PCDHA13: variants seen among roughly 807,000 people sequenced by gnomAD.
PCDHA13 encodes the protein protocadherin alpha 13.
A neutral mutation model predicts 64.8 loss-of-function variants in PCDHA13; 54 were observed. That is an observed-to-expected ratio of 0.83 (90% CI 0.67 to 1.04). PCDHA13 has a LOEUF of 1.04. PCDHA13 is among the 50% of genes least tolerant of loss of function. The pLI, the probability that PCDHA13 is intolerant of heterozygous loss-of-function variation, is 0.00. For missense variants in PCDHA13, 1,248 were observed against 1,254.3 expected, an observed-to-expected ratio of 0.99 and a Z score of 0.08; for synonymous variants, 587 against 564.4, an observed-to-expected ratio of 1.04 and a Z score of -0.57.
chr5:140,928,642 G>C, intron 1 of PCDHA13: 1 of 1,614,232 alleles, frequency 6.2e-7, no homozygotes, highest in African/African-American at 1.3e-5. Flanking sequence ...CACAAAAGTG[G>C]TAGCAGAGGA....
At position 141,006,497 on chromosome 5, in the gene PCDHA13, G is replaced by C. The variant is rs575942325; in HGVS notation, c.2543-3130G>C. Among the ~76,000 whole-genome samples the C allele has an allele frequency of 2.6e-5, 4 of 152,288 alleles. No homozygotes were observed. In the South Asian group the frequency reaches 8.3e-4, roughly 32 times the overall value. ...CAAAGTGCTGGGATTACATGTGTGA[G>C]CCACCGCGCCTGGCTGTTATACATC... On this transcript the variant is annotated intron_variant, in intron 3 of 3. Transcript: ENST00000289272.
intron 1 of PCDHA13, among the ~76,000 whole-genome samples, chr5:140,933,209 G>GTC (rs140472192): frequency 0.32 from 48,939 of 151,636 alleles, 8,153 homozygotes; most frequent in East Asian, 0.53. Flanking sequence ...TAAATTACAT[G>GTC]TCTGTTATAT....
Position 140,882,987 on chromosome 5 carries a change from CG to C in PCDHA13, c.721del (p.Glu241AsnfsTer9). 1 of 1,614,110 alleles carries C rather than the reference CG, an allele frequency of 6.2e-7. No individual in the cohort carries two copies. Among genetic ancestry groups the C allele is most frequent in the South Asian group, 1.1e-5 (1 of 91,078 alleles). On this transcript the variant is annotated frameshift_variant, in exon 1 of 4. Coordinates refer to ENST00000289272, the MANE Select transcript of PCDHA13 (RefSeq NM_018904.3). LOFTEE classifies it high-confidence loss of function. ...ATTCTGGACGTGAATGACAACGCCC[CG>C]GAATTTTACCAATCCGTTTATAAAG... ...ITILDVNDNA[P>X]EFYQSVYKVT...
chr5:140,959,078 A>C (rs1489301308), intron 1 of PCDHA13, among the ~76,000 whole-genome samples: 1 of 152,128 alleles, frequency 6.6e-6, no homozygotes, highest in Non-Finnish European at 1.5e-5. Flanking sequence ...ATTCAGTATT[A>C]TCCTTGGTTT....
intron 1 of PCDHA13, among the ~76,000 whole-genome samples, chr5:140,947,967 T>C (rs565128955): frequency 1.2e-4 from 18 of 151,462 alleles, no homozygotes; most frequent in Non-Finnish European, 2.2e-4. Flanking sequence ...ATTAAGTATG[T>C]GCTACTCATA....
At chr5:140,924,944 TAA>T (rs11334471) in intron 1 of PCDHA13, among the ~76,000 whole-genome samples, 87 of 142,948 alleles carry the variant, frequency 6.1e-4, no homozygotes, top group African/African-American at 2.0e-3. Flanking sequence ...AATAAAAAGT[TAA>T]AAAAAAAATG....
At chr5:140,928,718 T>C in intron 1 of PCDHA13, 1 of 1,614,174 alleles carries the variant, frequency 6.2e-7, no homozygotes, top group East Asian at 2.2e-5. Context: ...TCTAGTCTCT[T>C]TAGAATTTCA....
rs527281567 is a variant in PCDHA13 at position 140,992,060 on chromosome 5, A to T, written c.2542+9497A>T. Among the ~76,000 whole-genome samples the T allele has an allele frequency of 3.3e-3, 484 of 147,642 alleles. 5 individuals are homozygous for T. Among genetic ancestry groups the T allele is most frequent in the South Asian group, 0.015 (69 of 4,700 alleles). On this transcript the variant is annotated intron_variant, in intron 3 of 3. Transcript: ENST00000289272. The stretch of plus-strand genomic sequence containing the variant: ...GTGTGTGTGTGTGTGTGTGTAAGTT[A>T]ATTTCAGTAGAGAATGAGCTAGAGT...
chr5:141,009,545 A>G, intron 3 of PCDHA13, 82 bp from the exon 4 acceptor site: 2 of 1,535,938 alleles, frequency 1.3e-6, no homozygotes, highest in Non-Finnish European at 1.8e-6. Flanking sequence ...CTGCCTATGC[A>G]GTACTCCTGT....
Position 140,932,248 on chromosome 5 carries a change from T to C in PCDHA13, c.2395-46701T>C, listed in dbSNP as rs1424091954. Among the ~76,000 whole-genome samples the C allele has an allele frequency of 2.6e-5, 4 of 152,016 alleles. No individual in the cohort carries two copies. In the East Asian group the frequency reaches 7.7e-4, roughly 29 times the overall value. On this transcript the variant is annotated intron_variant, in intron 1 of 3. Coordinates refer to ENST00000289272, the MANE Select transcript of PCDHA13 (RefSeq NM_018904.3). ...TTTTTTAGAATGGTATCTAAGAGGG[T>C]ACCTCTGAGATATAAATTTCTACTT... is the stretch of plus-strand genomic sequence containing the variant.
intron 1 of PCDHA13, among the ~76,000 whole-genome samples, chr5:140,914,475 T>A (rs1473439533): frequency 6.6e-6 from 1 of 152,204 alleles, no homozygotes; most frequent in Non-Finnish European, 1.5e-5. Context: ...TCTTCATAGG[T>A]GAAGTGTTTC....
At position 140,941,253 on chromosome 5, in the gene PCDHA13, TTC is replaced by T. The variant is rs371538795; in HGVS notation, c.2395-37692_2395-37691del. 4.9e-3 allele frequency among the ~76,000 whole-genome samples: 316 copies of T among 64,734 alleles called. 2 individuals carry two copies. The highest frequency in any genetic ancestry group is 6.9e-3 in the Admixed American group (39 of 5,692). 42.5% of individuals were successfully genotyped at this position (64,734 alleles called of 152,430 possible). On this transcript the variant is annotated intron_variant, in intron 1 of 3. Coordinates refer to ENST00000289272, the MANE Select transcript of PCDHA13 (RefSeq NM_018904.3). ...TTTCTTTCTTTCTTTCTTTCTTTCT[TTC>T]TCTTTCTTTCTTTCTTTCCTTCCTT...
chr5:140,967,908 A>G (rs554849478), intron 1 of PCDHA13: 5 of 1,614,138 alleles, frequency 3.1e-6, no homozygotes, highest in East Asian at 2.2e-5. Flanking sequence ...GCTACACCCA[A>G]CACCATTGTG....
intron 3 of PCDHA13, among the ~76,000 whole-genome samples, chr5:141,001,157 A>T (rs1554258022): frequency 6.6e-6 from 1 of 152,136 alleles, no homozygotes; most frequent in African/African-American, 2.4e-5. Flanking sequence ...TGATCTTAAT[A>T]AGTAAAATTT....
At chr5:140,922,190 T>C (rs1486044845) in intron 1 of PCDHA13, among the ~76,000 whole-genome samples, 2 of 152,154 alleles carry the variant, frequency 1.3e-5, no homozygotes, top group African/African-American at 4.8e-5. Flanking sequence ...AAAAAAGTCT[T>C]ATCTTTAATG....
chr5:140,953,279 A>T (rs2153698724), intron 1 of PCDHA13, among the ~76,000 whole-genome samples: 1 of 152,188 alleles, frequency 6.6e-6, no homozygotes, highest in Non-Finnish European at 1.5e-5. Context: ...TTTGCTCTTT[A>T]TATGTGATTC....
At chr5:140,957,725 A>T (rs1385506394) in intron 1 of PCDHA13, among the ~76,000 whole-genome samples, 1 of 152,156 alleles carries the variant, frequency 6.6e-6, no homozygotes, top group Non-Finnish European at 1.5e-5. Context: ...AAAGAAGCAG[A>T]ATTATATATA....
intron 1 of PCDHA13, among the ~76,000 whole-genome samples, chr5:140,889,433 G>A (rs994872798): frequency 8.6e-5 from 13 of 151,828 alleles, no homozygotes; most frequent in Non-Finnish European, 1.9e-4. Context: ...TATTTTTTCA[G>A]GTATTTTCCT....
At chr5:140,911,275 G>A (rs1048648150) in intron 1 of PCDHA13, among the ~76,000 whole-genome samples, 1 of 152,164 alleles carries the variant, frequency 6.6e-6, no homozygotes, top group Non-Finnish European at 1.5e-5. Context: ...AGTGTCCCCA[G>A]CTTCATCAGG....
Sources: allele counts gnomAD v4.1 joint callset (sites outside exome capture counted in the v4.1 genomes callset), GRCh38; gene constraint gnomAD v4.1.1; transcripts MANE v1.5; gene names NCBI Gene and HGNC (gene_info 2026-07-23, HGNC 2026-07-21).